The following DCHS2 variants were observed in gnomAD, a reference collection of about 807,000 sequenced individuals.
DCHS2 encodes the protein protocadherin-23.
In DCHS2, 142 loss-of-function variants were observed where a neutral mutation model predicts 182.4. That is an observed-to-expected ratio of 0.78 (90% CI 0.68 to 0.89). The LOEUF is 0.89. DCHS2 is among the 40% of genes least tolerant of loss of function. DCHS2 has a pLI of 0.00. For missense variants in DCHS2, 4,319 were observed against 4,198.6 expected, an observed-to-expected ratio of 1.03 and a Z score of -0.79; for synonymous variants, 1,740 against 1,663.3, an observed-to-expected ratio of 1.05 and a Z score of -1.12.
In DCHS2 at chr4:154,444,930, C is replaced by T. The variant is rs184267008; in HGVS notation, c.2052+44374G>A. The stretch of plus-strand genomic sequence containing the variant: ...AGGCTACCACCTCAGAGTGTTTGCG[C>T]TTTACTTGCTGTCTTTTCTACCTAG... On this transcript the variant is annotated intron_variant, in intron 1 of 19. Coordinates refer to ENST00000357232, the MANE Select transcript of DCHS2 (RefSeq NM_001358235.2). Among the ~76,000 whole-genome samples, 669 of 152,276 alleles carry T rather than the reference C, an allele frequency of 4.4e-3. 5 individuals carry two copies. The highest frequency in any genetic ancestry group is 7.1e-3 in the Non-Finnish European group (480 of 68,024).
rs182005808 is a variant in DCHS2, at chr4:154,295,548, C to T, written c.6463+2303G>A. 4.5e-3 allele frequency among the ~76,000 whole-genome samples: 682 copies of T among 152,230 alleles called. 4 individuals are homozygous for T. The highest frequency in any genetic ancestry group is 0.016 in the African/African-American group (647 of 41,546). On this transcript the variant is annotated intron_variant, in intron 13 of 19. Coordinates refer to ENST00000357232, the MANE Select transcript of DCHS2 (RefSeq NM_001358235.2). ...GGTTTGAAGACAAAAAAAGACATAC[C>T]GTAGGCCCCTAACAACCACTAGTTC...
Position 154,240,701 on chromosome 4 carries a change from T to A in DCHS2, c.7195A>T (p.Thr2399Ser). ...PGTKFAIDQN[T>S]GVVVLVKTLD... ...GTTTTCACCAACACCACCACTCCAG[T>A]GTTCTGATCAATAGCAAACTTGGTT... Residue 2399 changes from threonine (T) to serine (S), a missense_variant, in exon 18 of 20, where the codon ACT (threonine) becomes TCT (serine). Physicochemically the swap from Thr to Ser is moderately conservative, Grantham distance 58 (BLOSUM62 1). Coordinates refer to ENST00000357232, the MANE Select transcript of DCHS2 (RefSeq NM_001358235.2). 1 of 1,613,966 alleles carries A rather than the reference T, an allele frequency of 6.2e-7. No homozygotes were observed.
chr4:154,396,417 T>C (rs927439226), intron 1 of DCHS2, among the ~76,000 whole-genome samples: 2 of 152,136 alleles, frequency 1.3e-5, no homozygotes, highest in Admixed American at 6.6e-5. Flanking sequence ...GGGTGGAGTA[T>C]GAATAAGCCC....
chr4:154,353,413 A>G (rs183139432), intron 3 of DCHS2, among the ~76,000 whole-genome samples: 12 of 152,330 alleles, frequency 7.9e-5, no homozygotes, highest in Non-Finnish European at 1.5e-4. Flanking sequence ...ACTCTAGTTA[A>G]AAGACAAACA....
chr4:154,341,730 A>G (rs1243113232), intron 3 of DCHS2, among the ~76,000 whole-genome samples: 1 of 152,184 alleles, frequency 6.6e-6, no homozygotes, highest in African/African-American at 2.4e-5. Context: ...CTAGGCTCTA[A>G]GTAATTTTTC....
Position 154,332,710 on chromosome 4 carries a change from C to T in DCHS2, c.3498G>A (p.Glu1166=), listed in dbSNP as rs1486664286. Residue 1166 remains glutamate, a synonymous_variant, in exon 5 of 20, where the codon GAG becomes GAA. Coordinates refer to ENST00000357232, the MANE Select transcript of DCHS2 (RefSeq NM_001358235.2). The part of the protein sequence containing the change: ...YNFRVFAWIP[E]DGFLQNVSTT... ...TGCTCACATTTTGCAAGAATCCGTC[C>T]TCGGGGATCCAAGCAAACACTCTAA... The T allele has an allele frequency of 2.5e-6, 4 of 1,614,106 alleles. No homozygotes were observed. The highest frequency in any genetic ancestry group is 1.3e-5 in the African/African-American group (1 of 74,948).
At chr4:154,286,106 A>G (rs72970664) in intron 13 of DCHS2, among the ~76,000 whole-genome samples, 2,717 of 152,074 alleles carry the variant, frequency 0.018, 62 homozygotes, top group African/African-American at 0.062. Flanking sequence ...TCTGGGTTAT[A>G]TCCAGGACCA....
intron 1 of DCHS2, among the ~76,000 whole-genome samples, chr4:154,410,022 T>A (rs1304604460): frequency 6.6e-6 from 1 of 152,124 alleles, no homozygotes; most frequent in African/African-American, 2.4e-5. Flanking sequence ...AGTGAAAGTT[T>A]TTCCTTACAA....
At chr4:154,343,844 G>A (rs1729229235) in intron 3 of DCHS2, among the ~76,000 whole-genome samples, 1 of 152,098 alleles carries the variant, frequency 6.6e-6, no homozygotes, top group Non-Finnish European at 1.5e-5. Context: ...TCACAATTCG[G>A]ATAACTGTGC....
intron 10 of DCHS2, among the ~76,000 whole-genome samples, chr4:154,307,600 A>G (rs1435711827): frequency 6.6e-6 from 1 of 152,150 alleles, no homozygotes; most frequent in African/African-American, 2.4e-5. Flanking sequence ...GCAACCTTGC[A>G]TAGTTTCTCA....
chr4:154,462,088 T>C (rs1735031840), intron 1 of DCHS2, among the ~76,000 whole-genome samples: 1 of 152,166 alleles, frequency 6.6e-6, no homozygotes, highest in African/African-American at 2.4e-5. Flanking sequence ...CAAGATGAGA[T>C]GCCTTCCTTC....
intron 7 of DCHS2, among the ~76,000 whole-genome samples, chr4:154,326,170 A>G (rs1736273762): frequency 1.3e-5 from 2 of 152,214 alleles, no homozygotes; most frequent in Admixed American, 1.3e-4. Context: ...ATATTGCTTC[A>G]TTGTTCTTCG....
intron 17 of DCHS2, 141 bp from the exon 18 acceptor site, chr4:154,240,964 A>G: frequency 3.0e-6 from 4 of 1,323,158 alleles, no homozygotes; most frequent in Non-Finnish European, 4.0e-6. Flanking sequence ...TACAAAGCTC[A>G]TTATGCACTG....
At chr4:154,435,112 G>A (rs1400714454) in intron 1 of DCHS2, among the ~76,000 whole-genome samples, 1 of 152,006 alleles carries the variant, frequency 6.6e-6, no homozygotes, top group Non-Finnish European at 1.5e-5. Flanking sequence ...AAATATACGA[G>A]GTTAACAATA....
intron 3 of DCHS2, among the ~76,000 whole-genome samples, chr4:154,335,664 T>C (rs918097711): frequency 2.6e-5 from 4 of 152,060 alleles, no homozygotes; most frequent in Admixed American, 6.5e-5. Flanking sequence ...GTGATCAGTC[T>C]CCTCATACAT....
At chr4:154,445,079 C>G (rs1239673487) in intron 1 of DCHS2, among the ~76,000 whole-genome samples, 6 of 152,182 alleles carry the variant, frequency 3.9e-5, no homozygotes, top group Admixed American at 2.0e-4. Context: ...ATGGCTGTCA[C>G]TCCGTCTCCT....
chr4:154,317,083 C>A (rs2111327627), intron 9 of DCHS2, among the ~76,000 whole-genome samples: 1 of 152,256 alleles, frequency 6.6e-6, no homozygotes, highest in East Asian at 1.9e-4. Flanking sequence ...GCCATAGCCA[C>A]AAAAAACTCA....
intron 1 of DCHS2, among the ~76,000 whole-genome samples, chr4:154,460,946 A>G (rs1054293040): frequency 1.3e-5 from 2 of 152,182 alleles, no homozygotes; most frequent in African/African-American, 4.8e-5. Context: ...ACATAATTGA[A>G]TCACTGTATG....
chr4:154,403,435 A>C (rs903137697), intron 1 of DCHS2, among the ~76,000 whole-genome samples: 6 of 151,968 alleles, frequency 3.9e-5, no homozygotes, highest in African/African-American at 1.4e-4. Flanking sequence ...CTTTTTTTCT[A>C]GTAATGTGGC....
Sources: gnomAD v4.1 joint callset for allele counts (sites outside exome capture counted in the v4.1 genomes callset) on GRCh38, gnomAD v4.1.1 for gene constraint, MANE v1.5 for transcripts, NCBI Gene and HGNC (gene_info 2026-07-23, HGNC 2026-07-21) for gene names.